The following FRMD6 variants were observed in gnomAD, a reference collection of about 807,000 sequenced individuals.
FRMD6 encodes the protein FERM domain-containing protein 6.
Under a neutral mutation model 73.2 loss-of-function variants are expected in FRMD6, and 37 were observed. The ratio of observed to expected loss-of-function variants is 0.51; its 90% CI spans 0.39 to 0.66. The LOEUF is 0.66. FRMD6 is among the 30% of genes least tolerant of loss of function. FRMD6 has a pLI of 0.00. For missense variants in FRMD6, 714 were observed against 780.5 expected, an observed-to-expected ratio of 0.91 and a Z score of 1.02; for synonymous variants, 273 against 282.2, an observed-to-expected ratio of 0.97 and a Z score of 0.33.
the FRMD6 span, among the ~76,000 whole-genome samples, chr14:51,461,162 C>G: frequency 6.6e-6 from 1 of 152,302 alleles, no homozygotes; most frequent in East Asian, 1.9e-4. Context: ...ACACCTATTA[C>G]AACAAATGAG....
In FRMD6 at chr14:51,707,857, A is replaced by C. The variant is rs181660726; in HGVS notation, c.559-221A>C. Among the ~76,000 whole-genome samples, 277 of 152,316 alleles carry C rather than the reference A, an allele frequency of 1.8e-3. 1 individual carries two copies. Among genetic ancestry groups the C allele is most frequent in the Middle Eastern group, 3.4e-3 (1 of 294 alleles). ...CCTATTTGTTGTGATTTTTCTTCTTAGGTATTCAGCAGTACAACTAAATTG... is the reference window on the plus strand; with the variant it reads ...CCTATTTGTTGTGATTTTTCTTCTTCGGTATTCAGCAGTACAACTAAATTG... On this transcript the variant is annotated intron_variant, in intron 6 of 13. Transcript: ENST00000344768.
chr14:51,454,272 C>A, the FRMD6 span, among the ~76,000 whole-genome samples: 9 of 152,232 alleles, frequency 5.9e-5, no homozygotes, highest in African/African-American at 1.7e-4. Flanking sequence ...TTAAACATAA[C>A]TTTGCTCTGG....
upstream of FRMD6, among the ~76,000 whole-genome samples, chr14:51,647,902 T>C (rs1198877838): frequency 6.6e-6 from 1 of 152,206 alleles, no homozygotes; most frequent in African/African-American, 2.4e-5. Context: ...CTTAGTTCAC[T>C]GCAACCTCCG....
the FRMD6 span, among the ~76,000 whole-genome samples, chr14:51,423,871 G>C: frequency 6.6e-6 from 1 of 152,324 alleles, no homozygotes; most frequent in South Asian, 2.1e-4. Context: ...AAGTGGCTAT[G>C]TATCTAGCAG....
the FRMD6 span, among the ~76,000 whole-genome samples, chr14:51,447,841 A>G: frequency 6.6e-6 from 1 of 152,116 alleles, no homozygotes; most frequent in South Asian, 2.1e-4. Context: ...TAGCTTTCTC[A>G]AAGCACCTTA....
the FRMD6 span, among the ~76,000 whole-genome samples, chr14:51,417,133 A>T: frequency 6.6e-6 from 1 of 152,024 alleles, no homozygotes; most frequent in Non-Finnish European, 1.5e-5. Flanking sequence ...CTTTTAATTG[A>T]GGCATTTAGC....
chr14:51,465,444 C>T, the FRMD6 span, among the ~76,000 whole-genome samples: 2 of 152,164 alleles, frequency 1.3e-5, no homozygotes, highest in Non-Finnish European at 2.9e-5. Flanking sequence ...CAACCTCCCT[C>T]CCCCCGCCAT....
chr14:51,445,082 A>C, the FRMD6 span, among the ~76,000 whole-genome samples: 7 of 152,332 alleles, frequency 4.6e-5, no homozygotes, highest in South Asian at 1.5e-3. Context: ...GTCTGCTGCC[A>C]TCCAGTTGAC....
chr14:51,415,145 C>A, the FRMD6 span, among the ~76,000 whole-genome samples: 1 of 152,164 alleles, frequency 6.6e-6, no homozygotes, highest in African/African-American at 2.4e-5. Flanking sequence ...CCCTTTATTT[C>A]TTTCTCTTGC....
intron 1 of FRMD6, among the ~76,000 whole-genome samples, chr14:51,569,798 G>A (rs183355788): frequency 1.7e-3 from 254 of 148,584 alleles, no homozygotes; most frequent in African/African-American, 6.0e-3. Flanking sequence ...CATCATGCCC[G>A]GCCAGAATTT....
chr14:51,580,930 T>C (rs1048546590), intron 2 of FRMD6, among the ~76,000 whole-genome samples: 11 of 152,180 alleles, frequency 7.2e-5, no homozygotes, highest in African/African-American at 2.7e-4. Flanking sequence ...AGCCCAAAAA[T>C]GCAGGCTTCT....
chr14:51,402,814 A>G, the FRMD6 span, among the ~76,000 whole-genome samples: 1 of 151,496 alleles, frequency 6.6e-6, no homozygotes, highest in Non-Finnish European at 1.5e-5. Context: ...AATTTTTTGT[A>G]TTTTTAGTAG....
chr14:51,621,089 C>G (rs541240796), intron 2 of FRMD6, among the ~76,000 whole-genome samples: 1 of 152,284 alleles, frequency 6.6e-6, no homozygotes, highest in East Asian at 1.9e-4. Context: ...TGGCATTTAA[C>G]CACGCCACTG....
the FRMD6 span, among the ~76,000 whole-genome samples, chr14:51,457,487 T>C: frequency 6.6e-6 from 1 of 152,168 alleles, no homozygotes; most frequent in Non-Finnish European, 1.5e-5. Context: ...TGCTTTGTAA[T>C]CTTATTTTCC....
At chr14:51,696,280 A>AATTCTGAAGTC in intron 2 of FRMD6, among the ~76,000 whole-genome samples, 1 of 151,636 alleles carries the variant, frequency 6.6e-6, no homozygotes, top group South Asian at 2.1e-4. Flanking sequence ...AAACTCTAAT[A>AATTCTGAAGTC]AACCTTGATG....
chr14:51,651,570 C>T (rs1402120463), upstream of FRMD6: 1 of 152,320 alleles, frequency 6.6e-6, no homozygotes, highest in Non-Finnish European at 1.5e-5. Context: ...GGGAAAGGCC[C>T]TGATCGCCGT....
chr14:51,721,356 A>G (rs867077623), intron 11 of FRMD6, among the ~76,000 whole-genome samples: 56 of 152,384 alleles, frequency 3.7e-4, no homozygotes, highest in African/African-American at 1.2e-3. Context: ...TCACACTTGT[A>G]ATCCTGGCAC....
the FRMD6 span, among the ~76,000 whole-genome samples, chr14:51,442,784 A>G: frequency 6.6e-6 from 1 of 152,218 alleles, no homozygotes; most frequent in Non-Finnish European, 1.5e-5. Context: ...AGCCCCCTTT[A>G]GGATAACTAT....
At chr14:51,565,856 G>C (rs545352382) in intron 1 of FRMD6, among the ~76,000 whole-genome samples, 35 of 152,238 alleles carry the variant, frequency 2.3e-4, no homozygotes, top group African/African-American at 6.7e-4. Flanking sequence ...AGTTCACAGA[G>C]CTGTTTATTA....
Sources: allele counts gnomAD v4.1 joint callset (sites outside exome capture counted in the v4.1 genomes callset), GRCh38; gene constraint gnomAD v4.1.1; transcripts MANE v1.5; gene names NCBI Gene and HGNC (gene_info 2026-07-23, HGNC 2026-07-21).